The following FCHSD2 variants were observed in gnomAD, a reference collection of about 807,000 sequenced individuals.
FCHSD2 encodes FCH and double SH3 domains 2.
Under a neutral mutation model 108.1 loss-of-function variants are expected in FCHSD2, and 38 were observed. The observed-to-expected ratio is 0.35, with a 90% confidence interval of 0.27 to 0.46. The LOEUF is 0.46. Ranked by LOEUF, FCHSD2 falls within the 20% of genes least tolerant of loss-of-function variation. The pLI is 1.00. For missense variants in FCHSD2, 751 were observed against 897.8 expected (o/e 0.84, Z 2.09); for synonymous variants, 279 against 314.7 (o/e 0.89, Z 1.20).
At chr11:73,085,229 T>C (rs1366296187) in intron 2 of FCHSD2, among the ~76,000 whole-genome samples, 1 of 152,222 alleles carries the variant, frequency 6.6e-6, no homozygotes, top group Non-Finnish European at 1.5e-5. Flanking sequence ...AGATTTTTTT[T>C]TAAATGTTTA....
chr11:73,049,798 CT>C, intron 3 of FCHSD2, among the ~76,000 whole-genome samples: 1 of 151,378 alleles, frequency 6.6e-6, no homozygotes, highest in East Asian at 1.9e-4. Context: ...AGGGTACGTT[CT>C]TACCAACTTT....
intron 4 of FCHSD2, among the ~76,000 whole-genome samples, chr11:73,011,705 G>A (rs796505886): frequency 7.2e-5 from 11 of 152,294 alleles, no homozygotes; most frequent in African/African-American, 2.6e-4. Flanking sequence ...AGGTTGAAGG[G>A]CTCTTCCATG....
intron 8 of FCHSD2, among the ~76,000 whole-genome samples, chr11:72,950,912 TTC>T (rs764064083): frequency 1.8e-4 from 28 of 152,284 alleles, no homozygotes; most frequent in Non-Finnish European, 3.8e-4. Flanking sequence ...ACGTGACTAA[TTC>T]TCTCTAATTC....
chr11:72,956,568 C>CA (rs1856715042), intron 8 of FCHSD2, among the ~76,000 whole-genome samples: 2 of 152,176 alleles, frequency 1.3e-5, no homozygotes, highest in South Asian at 4.1e-4. Flanking sequence ...AATCCAAGAT[C>CA]AAGGCGCCAG....
At chr11:72,919,467 G>A (rs1336535300) in intron 9 of FCHSD2, among the ~76,000 whole-genome samples, 7 of 152,228 alleles carry the variant, frequency 4.6e-5, no homozygotes, top group Non-Finnish European at 4.4e-5. Flanking sequence ...AGAGAATATA[G>A]TAGAAGATCA....
At chr11:73,067,453 A>G (rs189302446) in intron 3 of FCHSD2, among the ~76,000 whole-genome samples, 2 of 152,082 alleles carry the variant, frequency 1.3e-5, no homozygotes, top group African/African-American at 4.8e-5. Flanking sequence ...CGTTCTGCAC[A>G]TGTATCCCAG....
At chr11:72,931,683 T>C (rs1471305762) in intron 8 of FCHSD2, among the ~76,000 whole-genome samples, 2 of 151,970 alleles carry the variant, frequency 1.3e-5, no homozygotes, top group African/African-American at 4.8e-5. Flanking sequence ...GAGAATTGCT[T>C]GGACCCGGGA....
intron 14 of FCHSD2, among the ~76,000 whole-genome samples, chr11:72,845,860 T>C (rs1861118685): frequency 6.6e-6 from 1 of 152,160 alleles, no homozygotes; most frequent in Non-Finnish European, 1.5e-5. Context: ...TGAACCTCAG[T>C]TTTCTTTTTT....
chr11:72,997,272 A>C (rs1425146356), intron 5 of FCHSD2, among the ~76,000 whole-genome samples: 1 of 152,156 alleles, frequency 6.6e-6, no homozygotes, highest in Non-Finnish European at 1.5e-5. Flanking sequence ...CTTGGTAAGC[A>C]CCCTATATTT....
chr11:73,044,358 G>A (rs898613772), intron 3 of FCHSD2, among the ~76,000 whole-genome samples: 2 of 152,056 alleles, frequency 1.3e-5, no homozygotes, highest in South Asian at 2.1e-4. Flanking sequence ...TAGGAGTATC[G>A]CTTGAGCCCA....
intron 2 of FCHSD2, among the ~76,000 whole-genome samples, chr11:73,131,292 T>G (rs1464253727): frequency 2.7e-5 from 4 of 147,912 alleles, no homozygotes; most frequent in Non-Finnish European, 5.9e-5. Flanking sequence ...CCGAGGCAGG[T>G]GGATCACAAG....
At chr11:72,991,140 C>T (rs1443365532) in intron 5 of FCHSD2, among the ~76,000 whole-genome samples, 1 of 152,224 alleles carries the variant, frequency 6.6e-6, no homozygotes, top group Non-Finnish European at 1.5e-5. Context: ...TCGACACATA[C>T]ACCCTCCCAA....
chr11:73,058,891 A>T (rs1387506975), intron 3 of FCHSD2, among the ~76,000 whole-genome samples: 1 of 152,156 alleles, frequency 6.6e-6, no homozygotes, highest in Non-Finnish European at 1.5e-5. Context: ...CGGGATAAAT[A>T]ATCTTTTACA....
At chr11:73,075,014 A>T (rs1022130403) in intron 3 of FCHSD2, among the ~76,000 whole-genome samples, 1 of 152,192 alleles carries the variant, frequency 6.6e-6, no homozygotes, top group Non-Finnish European at 1.5e-5. Context: ...GCACTTAATA[A>T]CACAAAATAT....
intron 2 of FCHSD2, among the ~76,000 whole-genome samples, chr11:73,117,128 G>A (rs1337911154): frequency 3.3e-5 from 5 of 152,048 alleles, no homozygotes; most frequent in Non-Finnish European, 7.4e-5. Flanking sequence ...ACAGAAGCTG[G>A]TATTTATAAG....
intron 2 of FCHSD2, among the ~76,000 whole-genome samples, chr11:73,120,634 C>A (rs958546197): frequency 6.6e-6 from 1 of 152,020 alleles, no homozygotes; most frequent in African/African-American, 2.4e-5. Flanking sequence ...GAGGCTGAGG[C>A]TGGAGAATCA....
intron 3 of FCHSD2, among the ~76,000 whole-genome samples, chr11:73,020,499 A>G (rs1858075439): frequency 6.6e-6 from 1 of 152,214 alleles, no homozygotes; most frequent in Non-Finnish European, 1.5e-5. Flanking sequence ...TTTAACAATG[A>G]ACAAGTTCAC....
At chr11:72,972,395 C>A (rs932313385) in intron 8 of FCHSD2, among the ~76,000 whole-genome samples, 5 of 152,160 alleles carry the variant, frequency 3.3e-5, no homozygotes, top group African/African-American at 1.2e-4. Context: ...TCTTTCCAAA[C>A]TATATTTCAA....
At chr11:73,119,575 T>C (rs1041676888) in intron 2 of FCHSD2, among the ~76,000 whole-genome samples, 2 of 152,086 alleles carry the variant, frequency 1.3e-5, no homozygotes, top group Admixed American at 1.3e-4. Flanking sequence ...GCCTCCCAAG[T>C]AGCTGGGACT....
Sources: allele counts gnomAD v4.1 joint callset (sites outside exome capture counted in the v4.1 genomes callset), GRCh38; gene constraint gnomAD v4.1.1; transcripts MANE v1.5; gene names NCBI Gene and HGNC (gene_info 2026-07-23, HGNC 2026-07-21).